The following FNBP1L variants were observed in gnomAD, a reference collection of about 807,000 sequenced individuals.
FNBP1L encodes the protein formin-binding protein 1-like.
Under a neutral mutation model 91.2 loss-of-function variants are expected in FNBP1L, and 36 were observed. That is an observed-to-expected ratio of 0.39 (90% CI 0.30 to 0.52). The LOEUF (loss-of-function observed/expected upper bound fraction) is 0.52, where lower values mean the gene tolerates loss of function less well. FNBP1L is among the 20% of genes least tolerant of loss of function. The pLI is 0.66. For synonymous variants in FNBP1L, 242 were observed against 237.0 expected (o/e 1.02, Z -0.19); for missense variants, 571 against 732.1 (o/e 0.78, Z 2.54).
chr1:93,502,923 G>C (rs1317750591), intron 2 of FNBP1L, among the ~76,000 whole-genome samples: 1 of 152,158 alleles, frequency 6.6e-6, no homozygotes, highest in African/African-American at 2.4e-5. Flanking sequence ...TGGATTATCA[G>C]CTGCTGTTTA....
intron 12 of FNBP1L, among the ~76,000 whole-genome samples, chr1:93,545,839 A>G (rs1324533130): frequency 3.0e-5 from 3 of 98,768 alleles, no homozygotes; most frequent in Non-Finnish European, 6.1e-5. Flanking sequence ...AAGAGAAAAC[A>G]TGGAGGAAGC....
rs531482489 is a variant in FNBP1L, at chr1:93,532,963, T to G, written c.681T>G (p.Ser227Arg). 6.2e-7 allele frequency: 1 copy of G among 1,612,026 alleles called. No individual in the cohort carries two copies. Among genetic ancestry groups the G allele is most frequent in the South Asian group, 1.1e-5 (1 of 90,654 alleles). Residue 227 changes from serine to arginine, a missense_variant, in exon 8 of 17, where the codon AGT becomes AGG. Physicochemically the swap from Ser to Arg is moderately radical, Grantham distance 110. This residue lies in a region of FNBP1L where 220 missense variants were observed against 313.6 expected (regional missense o/e 0.70). Transcript: ENST00000271234. ...EMDERRTIKL[S>R]ECYRGFADSE... ...ACGAACGAAGGACTATTAAACTCAG[T>G]GAGTGTTACAGAGGATTTGCTGACT...
intron 1 of FNBP1L, among the ~76,000 whole-genome samples, chr1:93,473,465 A>G (rs758630868): frequency 3.9e-5 from 6 of 152,174 alleles, no homozygotes; most frequent in Non-Finnish European, 8.8e-5. Flanking sequence ...TGTGACTCCA[A>G]AACTTTTTTT....
Position 93,448,236 on chromosome 1 carries a change from C to T in FNBP1L, c.-46C>T. ...GAGGTCGGACAGACTGTGGAGCCGA[C>T]AGACTGAAGGACAGCGGCACCGCCA... On this transcript the variant is annotated 5_prime_UTR_variant, in exon 1 of 17. Coordinates refer to ENST00000271234, the MANE Select transcript of FNBP1L (RefSeq NM_001164473.3). The T allele has an allele frequency of 6.6e-6, 10 of 1,520,720 alleles. No homozygotes were observed. The highest frequency in any genetic ancestry group is 8.8e-6 in the Non-Finnish European group (10 of 1,133,954). The allele number at this position is 1,520,720 out of a possible 1,614,324, so 94.2% of individuals were successfully genotyped here.
chr1:93,526,348 T>G (rs1447055838), intron 5 of FNBP1L, among the ~76,000 whole-genome samples: 1 of 152,176 alleles, frequency 6.6e-6, no homozygotes, highest in Admixed American at 6.5e-5. Flanking sequence ...ATCTGTCTAC[T>G]TTGCCATCTT....
chr1:93,522,400 G>T (rs1473300777), intron 3 of FNBP1L, among the ~76,000 whole-genome samples: 1 of 152,116 alleles, frequency 6.6e-6, no homozygotes, highest in East Asian at 1.9e-4. Flanking sequence ...GATTTAGTCT[G>T]CAGAAGAAAA....
chr1:93,538,436 A>G (rs776671401), intron 10 of FNBP1L, among the ~76,000 whole-genome samples: 1 of 152,136 alleles, frequency 6.6e-6, no homozygotes, highest in Non-Finnish European at 1.5e-5. Flanking sequence ...CAGATTTATT[A>G]TTAGCTATAC....
Position 93,546,915 on chromosome 1 carries a change from A to G in FNBP1L, c.1348A>G (p.Lys450Glu), listed in dbSNP as rs1331342104. The G allele has an allele frequency of 6.2e-7, 1 of 1,613,034 alleles. No homozygotes were observed. Among genetic ancestry groups the G allele is most frequent in the Non-Finnish European group, 8.5e-7 (1 of 1,179,450 alleles). ...QMGDPGSLQPKLAETMNNIDR... is the reference protein window; with the variant it reads ...QMGDPGSLQPELAETMNNIDR... ...GGGGGATCCAGGGAGTTTGCAGCCT[A>G]AATTAGCAGAGACCATGAATAACAT... Residue 450 changes from lysine to glutamate, a missense_variant, in exon 13 of 17, where the codon AAA becomes GAA. Physicochemically the swap from Lys to Glu is moderately conservative, Grantham distance 56. Transcript: ENST00000271234.
chr1:93,529,935 T>C (rs188563595), intron 6 of FNBP1L, among the ~76,000 whole-genome samples, 179 bp downstream of exon 6: 231 of 152,284 alleles, frequency 1.5e-3, no homozygotes, highest in Non-Finnish European at 2.8e-3. Context: ...GAAAGTAATA[T>C]ATGTTAATTT....
At chr1:93,458,337 C>T (rs1424840680) in intron 1 of FNBP1L, among the ~76,000 whole-genome samples, 2 of 151,836 alleles carry the variant, frequency 1.3e-5, no homozygotes. Context: ...ACTGTGTTGC[C>T]CATGCTGGTC....
chr1:93,530,293 T>A (rs1256168377), intron 6 of FNBP1L, among the ~76,000 whole-genome samples: 1 of 152,194 alleles, frequency 6.6e-6, no homozygotes. Flanking sequence ...TCACTGTGAT[T>A]TAAGTTCCAT....
At chr1:93,515,241 C>T (rs1671043980) in intron 2 of FNBP1L, among the ~76,000 whole-genome samples, 2 of 152,122 alleles carry the variant, frequency 1.3e-5, no homozygotes, top group South Asian at 2.1e-4. Flanking sequence ...GTTAGAATGG[C>T]AATCATTAAA....
chr1:93,486,388 C>T (rs891692700), intron 1 of FNBP1L, among the ~76,000 whole-genome samples: 1 of 151,722 alleles, frequency 6.6e-6, no homozygotes, highest in African/African-American at 2.4e-5. Flanking sequence ...TTCTATAATT[C>T]CATAATTTTC....
At chr1:93,524,491 AG>A (rs1391687710) in intron 5 of FNBP1L, among the ~76,000 whole-genome samples, 168 bp downstream of exon 5, 1 of 151,266 alleles carries the variant, frequency 6.6e-6, no homozygotes, top group Non-Finnish European at 1.5e-5. Flanking sequence ...GGAGGATGTG[AG>A]GTCATTTTGT....
intron 1 of FNBP1L, among the ~76,000 whole-genome samples, chr1:93,481,672 C>T (rs1425168180): frequency 6.6e-6 from 1 of 152,112 alleles, no homozygotes; most frequent in African/African-American, 2.4e-5. Flanking sequence ...GACTGCTGTC[C>T]TAATTATAAT....
intron 1 of FNBP1L, among the ~76,000 whole-genome samples, chr1:93,472,768 C>G (rs1465574825): frequency 2.5e-5 from 3 of 119,116 alleles, no homozygotes; most frequent in African/African-American, 3.2e-5. Context: ...GCCGAGATTG[C>G]GCCACTGCAC....
chr1:93,517,251 G>A (rs890958376), intron 2 of FNBP1L, among the ~76,000 whole-genome samples: 4 of 151,982 alleles, frequency 2.6e-5, no homozygotes, highest in Non-Finnish European at 4.4e-5. Context: ...TCAGCATGTT[G>A]GTCAGGCTGG....
intron 1 of FNBP1L, chr1:93,488,443 G>T (rs1223091979): frequency 6.6e-6 from 1 of 152,168 alleles, no homozygotes; most frequent in Admixed American, 6.6e-5. Flanking sequence ...GGGTTGGTGG[G>T]TCTGTGGACC....
rs191476838 is a variant in FNBP1L, at chr1:93,449,843, A to G, written c.24+1538A>G. ...TTACACTTTGTGCATTCTATAATTG[A>G]TTATAGTGAATTATCAATGAAAGGA... On this transcript the variant is annotated intron_variant, in intron 1 of 16. Coordinates refer to ENST00000271234, the MANE Select transcript of FNBP1L (RefSeq NM_001164473.3). Among the ~76,000 whole-genome samples the G allele has an allele frequency of 8.5e-5, 13 of 152,290 alleles. No individual in the cohort carries two copies. The East Asian group carries it at 2.3e-3, about 27-fold the overall frequency.
Sources: allele counts gnomAD v4.1 joint callset (sites outside exome capture counted in the v4.1 genomes callset), GRCh38; gene constraint gnomAD v4.1.1; regional missense constraint gnomAD v4.1.1; transcripts MANE v1.5; gene names NCBI Gene and HGNC (gene_info 2026-07-23, HGNC 2026-07-21).